Variants in NECTIN3 observed in about 807,000 individuals in gnomAD.
NECTIN3 encodes the protein nectin cell adhesion molecule 3.
A neutral mutation model predicts 49.4 loss-of-function variants in NECTIN3; 8 were observed. The ratio of observed to expected loss-of-function variants is 0.16; its 90% CI spans 0.10 to 0.29. NECTIN3 has a LOEUF of 0.29. Ranked by LOEUF, NECTIN3 falls within the 10% of genes least tolerant of loss-of-function variation. The pLI, the probability that NECTIN3 is intolerant of heterozygous loss-of-function variation, is 1.00. For missense variants in NECTIN3, 581 were observed against 654.6 expected (o/e 0.89, Z 1.23); for synonymous variants, 277 against 241.1 (o/e 1.15, Z -1.38).
chr3:111,105,143 CTTTTTTCT>C (rs549473997), intron 1 of NECTIN3, among the ~76,000 whole-genome samples: 409 of 93,744 alleles, frequency 4.4e-3, no homozygotes, highest in African/African-American at 0.01. Flanking sequence ...TTTCTTTTTT[CTTTTTTCT>C]TTTTTTTTTG....
At chr3:111,129,056 A>G (rs2034280936) in intron 5 of NECTIN3, among the ~76,000 whole-genome samples, 2 of 152,142 alleles carry the variant, frequency 1.3e-5, no homozygotes. Flanking sequence ...CTGAGTCACT[A>G]CTGGACTCCT....
In NECTIN3 at chr3:111,122,138, G is replaced by T. The variant is rs762115608; in HGVS notation, c.817G>T (p.Val273Leu). Residue 273 changes from valine (V) to leucine (L), a missense_variant, in exon 4 of 6, where the codon GTA becomes TTA. By Grantham distance (32) the Val-to-Leu change is conservative. Around this residue, in one of 3 missense-constraint regions of NECTIN3, gnomAD observed 234 missense variants for 340.6 expected, o/e 0.69. Coordinates refer to ENST00000485303, the MANE Select transcript of NECTIN3 (RefSeq NM_015480.3). Reference sequence around the variant, plus strand: ...TTTTATAGATGCTCCTGAAGTTTCGGTAACAGGATATGATGGAAATTGGTT... The same window carrying T: ...TTTTATAGATGCTCCTGAAGTTTCGTTAACAGGATATGATGGAAATTGGTT... ...LDIQYAPEVS[V>L]TGYDGNWFVG... 6.2e-7 allele frequency: 1 copy of T among 1,611,582 alleles called. No individual in the cohort carries two copies. The highest frequency in any genetic ancestry group is 1.1e-5 in the South Asian group (1 of 90,916).
chr3:111,092,271 T>G (rs908268595), intron 1 of NECTIN3, among the ~76,000 whole-genome samples: 2 of 152,234 alleles, frequency 1.3e-5, no homozygotes, highest in Non-Finnish European at 2.9e-5. Context: ...ACCCTATTGA[T>G]GTCCATTTTA....
At chr3:111,072,720 C>T (rs1322736691) in intron 1 of NECTIN3, 2 of 774,884 alleles carry the variant, frequency 2.6e-6, no homozygotes, top group East Asian at 2.8e-5. Flanking sequence ...TGCCCACTCC[C>T]CCGGCTCTGC....
intron 7 of NECTIN3, among the ~76,000 whole-genome samples, chr3:111,148,470 G>GT (rs1350691163): frequency 6.6e-6 from 1 of 152,222 alleles, no homozygotes; most frequent in African/African-American, 2.4e-5. Context: ...CACATAAAGA[G>GT]TGTAGTCTCA....
At chr3:111,186,246 C>T (rs1193447636) in intron 7 of NECTIN3, among the ~76,000 whole-genome samples, 1 of 151,858 alleles carries the variant, frequency 6.6e-6, no homozygotes, top group Non-Finnish European at 1.5e-5. Flanking sequence ...GTTTGAATAG[C>T]CAAGGCAATC....
At chr3:111,141,944 T>C (rs2034756713), downstream of NECTIN3, among the ~76,000 whole-genome samples, 2 of 151,872 alleles carry the variant, frequency 1.3e-5, no homozygotes, top group Non-Finnish European at 2.9e-5. Flanking sequence ...TATTGGGATA[T>C]AGAGTCTATG....
chr3:111,088,558 C>T (rs1222502180), intron 1 of NECTIN3, among the ~76,000 whole-genome samples: 3 of 151,904 alleles, frequency 2.0e-5, no homozygotes, highest in Non-Finnish European at 4.4e-5. Flanking sequence ...ATTTTTTCCC[C>T]CATTTTTTTA....
In NECTIN3 at chr3:111,087,789, C is replaced by A. The variant is rs552062631; in HGVS notation, c.160+15612C>A. 1.5e-3 allele frequency among the ~76,000 whole-genome samples: 225 copies of A among 152,024 alleles called. 2 individuals are homozygous for A. Among genetic ancestry groups the A allele is most frequent in the Non-Finnish European group, 1.1e-3 (72 of 67,966 alleles). On this transcript the variant is annotated intron_variant, in intron 1 of 5. Coordinates refer to ENST00000485303, the MANE Select transcript of NECTIN3 (RefSeq NM_015480.3). ...TCCCAGCTCACTGCATCTTCTGCCTCCAGGTTCAAGTTATTCTCTTGCCTC... is the reference window on the plus strand; with the variant it reads ...TCCCAGCTCACTGCATCTTCTGCCTACAGGTTCAAGTTATTCTCTTGCCTC...
chr3:111,093,478 A>G (rs1474996095), intron 1 of NECTIN3, among the ~76,000 whole-genome samples: 1 of 146,162 alleles, frequency 6.8e-6, no homozygotes, highest in Non-Finnish European at 1.5e-5. Flanking sequence ...AATGTTGCCC[A>G]AGCTGGAGTG....
chr3:111,136,651 T>A lies in NECTIN3; in HGVS notation c.*2436T>A. On this transcript the variant is annotated 3_prime_UTR_variant, in exon 6 of 6. Transcript: ENST00000485303. The stretch of plus-strand genomic sequence containing the variant: ...GTGATATTCATAACTACTTGACAGG[T>A]ATATATGAAAATTCTACTATCGTGA... 1 of 907,204 alleles carries A rather than the reference T, an allele frequency of 1.1e-6. No individual in the cohort carries two copies. The highest frequency in any genetic ancestry group is 1.3e-6 in the Non-Finnish European group (1 of 759,104). 56.2% of individuals were successfully genotyped at this position (907,204 alleles called of 1,614,324 possible). A position where few individuals can be genotyped will look rare whatever the true frequency, so the allele number is the denominator to read the frequency against.
At chr3:111,119,879 A>G (rs1041985361) in intron 3 of NECTIN3, among the ~76,000 whole-genome samples, 15 of 152,146 alleles carry the variant, frequency 9.9e-5, no homozygotes, top group Admixed American at 9.2e-4. Context: ...TGTTGTTGCT[A>G]CTTACTTGCT....
intron 6 of NECTIN3, chr3:111,145,184 A>C: frequency 1.1e-6 from 1 of 924,954 alleles, no homozygotes; most frequent in Non-Finnish European, 1.6e-6. Flanking sequence ...GTTTCATCAG[A>C]ATATCTCAAA....
chr3:111,169,246 C>A (rs969076629), intron 7 of NECTIN3, among the ~76,000 whole-genome samples: 1 of 151,518 alleles, frequency 6.6e-6, no homozygotes, highest in African/African-American at 2.4e-5. Flanking sequence ...CCTGCCACCA[C>A]GCCTGGCTAA....
At chr3:111,174,634 C>CA (rs1270814210) in intron 7 of NECTIN3, among the ~76,000 whole-genome samples, 1 of 150,660 alleles carries the variant, frequency 6.6e-6, no homozygotes, top group Non-Finnish European at 1.5e-5. Flanking sequence ...GGTACTGAAA[C>CA]GGGAGGGTTC....
chr3:111,145,775 T>C (rs1253336107), intron 6 of NECTIN3, among the ~76,000 whole-genome samples: 1 of 152,236 alleles, frequency 6.6e-6, no homozygotes, highest in Non-Finnish European at 1.5e-5. Flanking sequence ...TTATTTCTTA[T>C]GTGGTTTATT....
intron 1 of NECTIN3, among the ~76,000 whole-genome samples, chr3:111,103,704 A>G (rs1469965780): frequency 2.0e-5 from 3 of 152,052 alleles, no homozygotes; most frequent in African/African-American, 7.2e-5. Context: ...GAGTAGTGAG[A>G]GGGGAAATCC....
At chr3:111,172,940 A>AT (rs2035461067) in intron 7 of NECTIN3, among the ~76,000 whole-genome samples, 3 of 152,294 alleles carry the variant, frequency 2.0e-5, no homozygotes, top group African/African-American at 7.2e-5. Context: ...GTGATAGAAG[A>AT]TTTTTTACAG....
At chr3:111,192,295 GT>G (rs1427088111), upstream of NECTIN3, 94 of 1,418,046 alleles carry the variant, frequency 6.6e-5, no homozygotes, top group Middle Eastern at 1.7e-3. Flanking sequence ...AATCTTAGTG[GT>G]TGATATGTTT....
Sources: gnomAD v4.1 joint callset for allele counts (sites outside exome capture counted in the v4.1 genomes callset) on GRCh38, gnomAD v4.1.1 for gene constraint, gnomAD v4.1.1 regional missense constraint, MANE v1.5 for transcripts, NCBI Gene and HGNC (gene_info 2026-07-23, HGNC 2026-07-21) for gene names.